TBC1D1: variants seen among roughly 807,000 people sequenced by gnomAD.
The protein encoded by TBC1D1 is TBC1 domain family member 1.
A neutral mutation model predicts 125.6 loss-of-function variants in TBC1D1; 89 were observed. That is an observed-to-expected ratio of 0.71 (90% CI 0.60 to 0.85). TBC1D1 has a LOEUF of 0.85. Ranked by LOEUF, TBC1D1 falls within the 40% of genes least tolerant of loss-of-function variation. The probability of loss-of-function intolerance (pLI) is 0.00; values close to 1 mark genes in which losing one functional copy is unlikely to be tolerated. For synonymous variants in TBC1D1, 565 were observed against 564.1 expected, an observed-to-expected ratio of 1.00 and a Z score of -0.02; for missense variants, 1,377 against 1,469.2, an observed-to-expected ratio of 0.94 and a Z score of 1.03.
intron 2 of TBC1D1, among the ~76,000 whole-genome samples, chr4:37,958,773 T>C (rs896736740): frequency 6.6e-6 from 1 of 152,230 alleles, no homozygotes; most frequent in Non-Finnish European, 1.5e-5. Flanking sequence ...CTGCTAATGG[T>C]ATAATGAGAC....
chr4:38,132,030 G>A (rs1765666646), intron 18 of TBC1D1, among the ~76,000 whole-genome samples: 2 of 152,220 alleles, frequency 1.3e-5, no homozygotes, highest in African/African-American at 4.8e-5. Context: ...GGGAAGATAG[G>A]CTAGTTTGAA....
chr4:38,136,832 T>C (rs1305622682), intron 19 of TBC1D1, among the ~76,000 whole-genome samples: 1 of 152,090 alleles, frequency 6.6e-6, no homozygotes, highest in Non-Finnish European at 1.5e-5. Flanking sequence ...CCTCTGGTGG[T>C]GGTGCCTGGG....
At chr4:38,008,650 C>T (rs1740845914) in intron 2 of TBC1D1, among the ~76,000 whole-genome samples, 1 of 152,218 alleles carries the variant, frequency 6.6e-6, no homozygotes, top group South Asian at 2.1e-4. Context: ...CCTCCTCAGC[C>T]AGCTAACAGG....
At chr4:38,104,844 C>T (rs1761006605) in intron 15 of TBC1D1, among the ~76,000 whole-genome samples, 1 of 151,674 alleles carries the variant, frequency 6.6e-6, no homozygotes. Flanking sequence ...CAAGCTCCGT[C>T]TCCTGGGTTC....
Position 37,897,678 on chromosome 4 carries a change from TAATAACTGCATCATCTAA to T in TBC1D1, c.-93-4319_-93-4302del, listed in dbSNP as rs1322408949. 5.9e-5 allele frequency among the ~76,000 whole-genome samples: 9 copies of T among 152,360 alleles called. No individual in the cohort carries two copies. The South Asian group carries it at 1.2e-3, about 21-fold the overall frequency. On this transcript the variant is annotated intron_variant, in intron 1 of 19. Coordinates refer to ENST00000261439, the MANE Select transcript of TBC1D1 (RefSeq NM_015173.4). ...TCTGCTATGCTTGTTGCCACTATAT[TAATAACTGCATCATCTAA>T]AATAATTGATAGAGCTCAGATTTAT...
At chr4:37,964,379 T>C (rs1052604241) in intron 2 of TBC1D1, among the ~76,000 whole-genome samples, 2 of 152,172 alleles carry the variant, frequency 1.3e-5, no homozygotes, top group African/African-American at 4.8e-5. Flanking sequence ...CTAAACCTCG[T>C]GCTAGATCCA....
At chr4:38,052,164 C>T in intron 11 of TBC1D1, 104 bp downstream of exon 12, 3 of 946,804 alleles carry the variant, frequency 3.2e-6, no homozygotes, top group Admixed American at 2.3e-5. Context: ...GGAAGCAGAG[C>T]CACTGTGTGT....
At chr4:37,911,407 G>T (rs1267705176) in intron 2 of TBC1D1, among the ~76,000 whole-genome samples, 1 of 152,156 alleles carries the variant, frequency 6.6e-6, no homozygotes, top group Non-Finnish European at 1.5e-5. Context: ...TGCCGTGCCG[G>T]GCTAGCCTGG....
At chr4:38,006,583 A>G (rs911680746) in intron 2 of TBC1D1, among the ~76,000 whole-genome samples, 1 of 148,596 alleles carries the variant, frequency 6.7e-6, no homozygotes, top group Non-Finnish European at 1.5e-5. Flanking sequence ...GGTTCAAGCG[A>G]TGCTCCTGCC....
At chr4:37,917,430 G>T (rs1719975540) in intron 2 of TBC1D1, among the ~76,000 whole-genome samples, 1 of 152,186 alleles carries the variant, frequency 6.6e-6, no homozygotes. Flanking sequence ...AGCCGAGACT[G>T]CGTCATTGCA....
chr4:38,111,709 A>G (rs1762230168), intron 15 of TBC1D1, among the ~76,000 whole-genome samples: 1 of 152,242 alleles, frequency 6.6e-6, no homozygotes, highest in South Asian at 2.1e-4. Context: ...ATGGACCCCT[A>G]AAAGGATCTC....
chr4:37,920,337 C>T (rs962255587), intron 2 of TBC1D1, among the ~76,000 whole-genome samples: 6 of 152,108 alleles, frequency 3.9e-5, no homozygotes, highest in Non-Finnish European at 5.9e-5. Flanking sequence ...ACTAGGTGAG[C>T]TCTCTTCCAC....
intron 17 of TBC1D1, among the ~76,000 whole-genome samples, chr4:38,123,021 G>A (rs566493135): frequency 2.0e-5 from 3 of 152,256 alleles, no homozygotes; most frequent in South Asian, 4.1e-4. Flanking sequence ...AATCTCAGAA[G>A]ATCTCCTGTT....
chr4:37,937,325 C>T (rs890848506), intron 2 of TBC1D1, among the ~76,000 whole-genome samples: 1 of 152,170 alleles, frequency 6.6e-6, no homozygotes, highest in African/African-American at 2.4e-5. Flanking sequence ...GCCATCTTCT[C>T]CCTAAGAAGA....
At position 38,106,666 on chromosome 4, in the gene TBC1D1, C is replaced by G. The variant is rs190890920; in HGVS notation, c.2557+3509C>G. 4.8e-4 allele frequency among the ~76,000 whole-genome samples: 73 copies of G among 152,310 alleles called. No individual in the cohort carries two copies. In the East Asian group the frequency reaches 9.5e-3, roughly 20 times the overall value. On this transcript the variant is annotated intron_variant, in intron 15 of 19. Transcript: ENST00000261439. ...AGGTGTCTCCCCTCCTGGATTCAGT[C>G]ACCTTCTTCTCTTCATTCCCCTGCA...
chr4:38,014,724 C>CCGCCCCCCCCA lies in TBC1D1; in HGVS notation c.634_635insGCCCCCCCCAC (p.Pro212ArgfsTer103). The CCGCCCCCCCCA allele has an allele frequency of 6.2e-7, 1 of 1,607,742 alleles. No homozygotes were observed. The highest frequency in any genetic ancestry group is 8.5e-7 in the Non-Finnish European group (1 of 1,176,062). The stretch of plus-strand genomic sequence containing the variant: ...TCAGCGGCAGCCGGGGGTCCGAGAG[C>CCGCCCCCCCCA]CCCCGCCCCAACCCGCCCCATGCCG... On this transcript the variant is annotated frameshift_variant, in exon 3 of 20. Coordinates refer to ENST00000261439, the MANE Select transcript of TBC1D1 (RefSeq NM_015173.4). LOFTEE classifies it high-confidence loss of function. This position sits in a 1 kb window ranked among gnomAD's most constrained non-coding sequence, Gnocchi z 5.1.
intron 2 of TBC1D1, among the ~76,000 whole-genome samples, chr4:37,925,668 C>T (rs550376068): frequency 1.2e-3 from 159 of 128,156 alleles, no homozygotes; most frequent in Admixed American, 2.0e-3. Context: ...GGTGATAGAG[C>T]GAGACTCCAT....
chr4:38,116,403 T>C (rs553587809), intron 16 of TBC1D1, among the ~76,000 whole-genome samples: 62 of 152,228 alleles, frequency 4.1e-4, no homozygotes, highest in Admixed American at 1.3e-3. Context: ...AAGCTCATTC[T>C]GACTACCCTG....
chr4:38,139,103 CTCAAAAACA>C lies in TBC1D1; in HGVS notation c.*1770_*1778del, dbSNP rs1481410725. ...GATTTTGGGCATCTTATTACTGTTA[CTCAAAAACA>C]TTGACTCTGCATCAAGAAAGAAACA... On this transcript the variant is annotated 3_prime_UTR_variant, in exon 20 of 20. Coordinates refer to ENST00000261439, the MANE Select transcript of TBC1D1 (RefSeq NM_015173.4). The C allele has an allele frequency of 4.6e-5, 7 of 152,146 alleles. No individual in the cohort carries two copies. Among genetic ancestry groups the C allele is most frequent in the Admixed American group, 1.3e-4 (2 of 15,244 alleles). 9.4% of individuals were successfully genotyped at this position (152,146 alleles called of 1,614,324 possible).
Sources: allele counts gnomAD v4.1 joint callset (sites outside exome capture counted in the v4.1 genomes callset), GRCh38; gene constraint gnomAD v4.1.1; non-coding constraint Gnocchi (gnomAD v3.1); transcripts MANE v1.5; gene names NCBI Gene and HGNC (gene_info 2026-07-23, HGNC 2026-07-21).